The following GNAI1 variants were observed in gnomAD, a reference collection of about 807,000 sequenced individuals.
The protein encoded by GNAI1 is G protein subunit alpha i1, also known as guanine nucleotide-binding protein G(i) subunit alpha-1.
GNAI1 carries 11 observed loss-of-function variants against 38.9 expected under a neutral mutation model. That is an observed-to-expected ratio of 0.28 (90% CI 0.18 to 0.47). GNAI1 has a LOEUF of 0.47. Ranked by LOEUF, GNAI1 falls within the 20% of genes least tolerant of loss-of-function variation. The probability of loss-of-function intolerance (pLI) is 0.99; values close to 1 mark genes in which losing one functional copy is unlikely to be tolerated. For synonymous variants in GNAI1, 166 were observed against 145.1 expected, an observed-to-expected ratio of 1.14 and a Z score of -1.04; for missense variants, 317 against 436.9, an observed-to-expected ratio of 0.73 and a Z score of 2.45.
rs572627859 is a variant in GNAI1, at chr7:80,220,171, C to T, written c.*2678C>T. ...TGCTCTTCATCACCTGAGGCCTGTTCCTTTCTACACTGTATCCAAATAGTG... is the reference window on the plus strand; with the variant it reads ...TGCTCTTCATCACCTGAGGCCTGTTTCTTTCTACACTGTATCCAAATAGTG... On this transcript the variant is annotated 3_prime_UTR_variant, in exon 8 of 8. Transcript: ENST00000649796. Among the ~76,000 whole-genome samples the T allele has an allele frequency of 6.6e-6, 1 of 152,260 alleles. No individual in the cohort carries two copies. Among genetic ancestry groups the T allele is most frequent in the South Asian group, 2.1e-4 (1 of 4,822 alleles).
chr7:80,147,079 A>T (rs1787635818), intron 1 of GNAI1, among the ~76,000 whole-genome samples: 1 of 152,164 alleles, frequency 6.6e-6, no homozygotes, highest in South Asian at 2.1e-4. Context: ...ATGATTTGGC[A>T]AGAGTGTTTT....
rs6953330 is a variant in GNAI1 at position 80,136,226 on chromosome 7, C to T, written c.118+948C>T. Among the ~76,000 whole-genome samples the T allele has an allele frequency of 3.7e-3, 567 of 152,220 alleles. 1 individual carries two copies. Among genetic ancestry groups the T allele is most frequent in the African/African-American group, 0.013 (540 of 41,526 alleles). ...AGGAAAATCTTTACAGGTTAAGATT[C>T]GTGAGTTAGGGTTTTCTTTTGTTTG... On this transcript the variant is annotated intron_variant, in intron 1 of 7. Coordinates refer to ENST00000649796, the MANE Select transcript of GNAI1 (RefSeq NM_002069.6).
intron 1 of GNAI1, among the ~76,000 whole-genome samples, chr7:80,167,029 G>T (rs939643652): frequency 6.6e-6 from 1 of 152,180 alleles, no homozygotes; most frequent in Non-Finnish European, 1.5e-5. Context: ...GCCAGTGAGA[G>T]TGAGTGGGTT....
chr7:80,137,293 C>CTTTTTTTTTTTTTTTT (rs377362596), intron 1 of GNAI1, among the ~76,000 whole-genome samples: 4 of 95,252 alleles, frequency 4.2e-5, no homozygotes, highest in Non-Finnish European at 5.8e-5. Flanking sequence ...TTTCTTTTTT[C>CTTTTTTTTTTTTTTTT]TTTTTTTTTT....
chr7:80,164,538 A>G (rs1453862434), intron 1 of GNAI1, among the ~76,000 whole-genome samples: 1 of 151,134 alleles, frequency 6.6e-6, no homozygotes, highest in Non-Finnish European at 1.5e-5. Context: ...ATTTTTTTGT[A>G]TTTTTAGCAG....
At chr7:80,156,957 A>C (rs1787829892) in intron 1 of GNAI1, among the ~76,000 whole-genome samples, 1 of 152,212 alleles carries the variant, frequency 6.6e-6, no homozygotes, top group Non-Finnish European at 1.5e-5. Context: ...CTACAGTGAC[A>C]CATCATCATT....
At chr7:80,156,110 C>T (rs1476549315) in intron 1 of GNAI1, among the ~76,000 whole-genome samples, 1 of 151,198 alleles carries the variant, frequency 6.6e-6, no homozygotes, top group Non-Finnish European at 1.5e-5. Flanking sequence ...GTCTGCCTCT[C>T]TTCCTCGTGA....
At chr7:80,206,331 C>CT (rs991075752) in intron 5 of GNAI1, among the ~76,000 whole-genome samples, 2 of 151,658 alleles carry the variant, frequency 1.3e-5, no homozygotes, top group African/African-American at 2.4e-5. Context: ...GTTGCATATG[C>CT]TTTTTTTTAT....
chr7:80,155,864 G>A (rs886630267), intron 1 of GNAI1, among the ~76,000 whole-genome samples: 50 of 151,774 alleles, frequency 3.3e-4, no homozygotes, highest in African/African-American at 1.2e-3. Flanking sequence ...AGACCAGCCT[G>A]GCCAATATGG....
At chr7:80,184,237 T>G (rs1047161329) in intron 1 of GNAI1, among the ~76,000 whole-genome samples, 3 of 151,830 alleles carry the variant, frequency 2.0e-5, no homozygotes, top group African/African-American at 7.3e-5. Flanking sequence ...TATTAAAAAG[T>G]TTTAGAGCAG....
rs772844909 is a variant in GNAI1, at chr7:80,211,034, C to T, written c.656C>T (p.Thr219Met). ...KKWIHCFEGVTAIIFCVALSD... is the reference protein window; with the variant it reads ...KKWIHCFEGVMAIIFCVALSD... ...TGGATTCATTGCTTCGAAGGAGTGA[C>T]GGCGATCATCTTCTGTGTAGCACTG... is the stretch of plus-strand genomic sequence containing the variant. The change falls in exon 6 of 8, where the codon ACG becomes ATG. Residue 219 changes from threonine (T) to methionine (M), a missense_variant. Thr to Met is a moderately conservative substitution (Grantham distance 81). This residue lies in a region of GNAI1 where 158 missense variants were observed against 234.7 expected (regional missense o/e 0.67). Coordinates refer to ENST00000649796, the MANE Select transcript of GNAI1 (RefSeq NM_002069.6). The T allele has an allele frequency of 6.2e-6, 10 of 1,612,664 alleles. No homozygotes were observed. The highest frequency in any genetic ancestry group is 2.2e-5 in the East Asian group (1 of 44,858).
At chr7:80,170,314 CT>C (rs1408164561) in intron 1 of GNAI1, among the ~76,000 whole-genome samples, 3 of 152,060 alleles carry the variant, frequency 2.0e-5, no homozygotes, top group Non-Finnish European at 4.4e-5. Context: ...GATTGTCTAC[CT>C]TTTTATTATG....
chr7:80,202,762 A>G (rs1176258861), intron 4 of GNAI1, among the ~76,000 whole-genome samples: 2 of 152,160 alleles, frequency 1.3e-5, no homozygotes, highest in South Asian at 2.1e-4. Flanking sequence ...TGGTCTCTAC[A>G]TTCAGCTGAC....
At position 80,181,115 on chromosome 7, in the gene GNAI1, A is replaced by G. The variant is rs369443052; in HGVS notation, c.119-7836A>G. 1.2e-4 allele frequency among the ~76,000 whole-genome samples: 18 copies of G among 152,142 alleles called. No homozygotes were observed. In the East Asian group the frequency reaches 2.9e-3, roughly 24 times the overall value. On this transcript the variant is annotated intron_variant, in intron 1 of 7. Transcript: ENST00000649796. ...TTGTTTTGTAAGTTTTTATATATAT[A>G]TATTACATGTATATATCTTATATTG...
At chr7:80,166,916 C>T (rs951206289) in intron 1 of GNAI1, among the ~76,000 whole-genome samples, 4 of 152,126 alleles carry the variant, frequency 2.6e-5, no homozygotes, top group Non-Finnish European at 5.9e-5. Context: ...GTATAAAGCA[C>T]TTTTGTCATT....
chr7:80,142,178 A>G (rs1458104517), intron 1 of GNAI1, among the ~76,000 whole-genome samples: 3 of 151,768 alleles, frequency 2.0e-5, no homozygotes, highest in Admixed American at 2.0e-4. Flanking sequence ...CCCATTGCCC[A>G]TTTCTGCATT....
intron 1 of GNAI1, among the ~76,000 whole-genome samples, chr7:80,177,646 A>T (rs1191121582): frequency 3.3e-5 from 5 of 152,008 alleles, no homozygotes; most frequent in Admixed American, 3.3e-4. Flanking sequence ...AGTGTTTTTT[A>T]TTCTTATTTT....
At chr7:80,190,065 A>G (rs779375584) in intron 3 of GNAI1, among the ~76,000 whole-genome samples, 3 of 152,038 alleles carry the variant, frequency 2.0e-5, no homozygotes, top group Non-Finnish European at 4.4e-5. Flanking sequence ...TATTCAGTAT[A>G]CATACTGTCT....
intron 1 of GNAI1, among the ~76,000 whole-genome samples, chr7:80,173,467 A>G (rs1245439757): frequency 1.3e-5 from 2 of 152,096 alleles, no homozygotes; most frequent in Non-Finnish European, 2.9e-5. Flanking sequence ...ATGTCCCAAA[A>G]CTGCAAAATG....
Sources: gnomAD v4.1 joint callset for allele counts (sites outside exome capture counted in the v4.1 genomes callset) on GRCh38, gnomAD v4.1.1 for gene constraint, gnomAD v4.1.1 regional missense constraint, MANE v1.5 for transcripts, NCBI Gene and HGNC (gene_info 2026-07-23, HGNC 2026-07-21) for gene names.